The following CDH2 variants were observed in gnomAD, a reference collection of about 807,000 sequenced individuals.
CDH2 encodes cadherin 2, also known as cadherin-2.
In CDH2, 17 loss-of-function variants were observed where a neutral mutation model predicts 92.0. The observed-to-expected ratio is 0.18, with a 90% CI of 0.13 to 0.28. The LOEUF (loss-of-function observed/expected upper bound fraction) is 0.28. Ranked by LOEUF, CDH2 falls within the 10% of genes least tolerant of loss-of-function variation. The pLI, the probability that CDH2 is intolerant of heterozygous loss-of-function variation, is 1.00. For missense variants in CDH2, 862 were observed against 1,133.1 expected (o/e 0.76, Z 3.44); for synonymous variants, 419 against 415.9 (o/e 1.01, Z -0.09).
chr18:28,054,864 T>G (rs1259070551), intron 2 of CDH2, among the ~76,000 whole-genome samples: 1 of 152,192 alleles, frequency 6.6e-6, no homozygotes, highest in Non-Finnish European at 1.5e-5. Flanking sequence ...TTTTTCTTGG[T>G]GAAGAAAATG....
At chr18:28,016,353 T>C (rs2013245724) in intron 2 of CDH2, among the ~76,000 whole-genome samples, 1 of 152,182 alleles carries the variant, frequency 6.6e-6, no homozygotes, top group Admixed American at 6.6e-5. Flanking sequence ...TATCCACTAA[T>C]ATCTTACAAC....
Position 27,963,397 on chromosome 18 carries a change from G to A in CDH2, c.2474C>T (p.Ala825Val), listed in dbSNP as rs1217385337. 3.0e-5 allele frequency: 49 copies of A among 1,614,078 alleles called. No homozygotes were observed. Among genetic ancestry groups the A allele is most frequent in the Non-Finnish European group, 4.1e-5 (48 of 1,179,986 alleles). Residue 825 changes from alanine to valine, a missense_variant, in exon 15 of 16, where the codon GCA becomes GTA. Coordinates refer to ENST00000269141, the MANE Select transcript of CDH2 (RefSeq NM_001792.5). ...HAEPQYPVRS[A>V]APHPGDIGDF... ...CCCAATGTCTCCAGGGTGTGGGGCTGCAGATCGGACCGGATACTGGGGCTC... is the reference window on the plus strand; with the variant it reads ...CCCAATGTCTCCAGGGTGTGGGGCTACAGATCGGACCGGATACTGGGGCTC...
chr18:28,161,186 C>T (rs2016301341), intron 1 of CDH2, among the ~76,000 whole-genome samples: 1 of 152,192 alleles, frequency 6.6e-6, no homozygotes, highest in Non-Finnish European at 1.5e-5. Flanking sequence ...GAAACAATTT[C>T]ACCTGGATGA....
intron 2 of CDH2, among the ~76,000 whole-genome samples, chr18:28,121,039 A>G (rs150460341): frequency 4.9e-4 from 74 of 152,274 alleles, no homozygotes; most frequent in African/African-American, 1.7e-3. Flanking sequence ...TGGAAACCAC[A>G]GTGAAACACT....
Position 28,147,679 on chromosome 18 carries a change from G to C in CDH2, c.166C>G (p.Leu56Val). ...SKDVHEGQPL[L>V]NVKFSNCNGK... ...ATATCTTTTGAGATAGTACCATTGAGAAGAGGCTGTCCTTCATGCACATCC... is the reference window on the plus strand; with the variant it reads ...ATATCTTTTGAGATAGTACCATTGACAAGAGGCTGTCCTTCATGCACATCC... The change falls in exon 2 of 16, where the codon CTC (leucine) becomes GTC (valine). Residue 56 changes from leucine (L) to valine (V), a missense_variant. This residue lies in a region of CDH2 where 159 missense variants were observed against 177.2 expected (regional missense o/e 0.90). Coordinates refer to ENST00000269141, the MANE Select transcript of CDH2 (RefSeq NM_001792.5). The C allele has an allele frequency of 6.3e-7, 1 of 1,585,292 alleles. No homozygotes were observed. Among genetic ancestry groups the C allele is most frequent in the Non-Finnish European group, 8.7e-7 (1 of 1,155,556 alleles).
intron 2 of CDH2, among the ~76,000 whole-genome samples, chr18:28,137,052 G>A (rs1029502442): frequency 6.6e-6 from 1 of 151,990 alleles, no homozygotes. Flanking sequence ...AGTTGAACTG[G>A]AAAAATAAAG....
chr18:28,090,632 T>C (rs1422119010), intron 2 of CDH2, among the ~76,000 whole-genome samples: 1 of 152,210 alleles, frequency 6.6e-6, no homozygotes, highest in Non-Finnish European at 1.5e-5. Flanking sequence ...TTAGAGTAGC[T>C]TGTACTGTAT....
chr18:27,947,701 T>C (rs573737191), downstream of CDH2, among the ~76,000 whole-genome samples: 44 of 137,748 alleles, frequency 3.2e-4, no homozygotes, highest in Middle Eastern at 3.8e-3. Flanking sequence ...GTATATGATG[T>C]AAGTATATGT....
At chr18:28,112,123 A>C (rs2144255585) in intron 2 of CDH2, among the ~76,000 whole-genome samples, 1 of 152,280 alleles carries the variant, frequency 6.6e-6, no homozygotes, top group South Asian at 2.1e-4. Flanking sequence ...CAGTACACTG[A>C]AAGTATTTGG....
At chr18:28,130,792 G>A (rs902177703) in intron 2 of CDH2, among the ~76,000 whole-genome samples, 2 of 152,190 alleles carry the variant, frequency 1.3e-5, no homozygotes, top group Admixed American at 1.3e-4. Flanking sequence ...GACTGTCAGA[G>A]CAATAACCCC....
intron 2 of CDH2, chr18:28,097,373 TAA>T (rs34258746): frequency 0.27 from 39,451 of 148,722 alleles, 5,339 homozygotes; most frequent in Middle Eastern, 0.36. Flanking sequence ...TTCCTTTTTT[TAA>T]AAAAAAAAAA....
intron 2 of CDH2, among the ~76,000 whole-genome samples, chr18:28,090,338 G>A (rs1000090985): frequency 6.6e-6 from 1 of 152,150 alleles, no homozygotes; most frequent in African/African-American, 2.4e-5. Context: ...CTGACGTATG[G>A]ATTTGTGTAT....
chr18:28,011,777 A>T, intron 4 of CDH2, 69 bp downstream of exon 4: 1 of 1,458,530 alleles, frequency 6.9e-7, no homozygotes, highest in Non-Finnish European at 9.4e-7. Context: ...TGTAAAAAAA[A>T]TAGACAGAAA....
At chr18:27,965,203 A>AATTT (rs1158893468) in intron 14 of CDH2, among the ~76,000 whole-genome samples, 1 of 152,164 alleles carries the variant, frequency 6.6e-6, no homozygotes, top group Admixed American at 6.5e-5. Flanking sequence ...CCTGATTTAA[A>AATTT]ATTTATGCTA....
At chr18:28,012,195 A>G (rs2013120639) in intron 3 of CDH2, among the ~76,000 whole-genome samples, 1 of 152,204 alleles carries the variant, frequency 6.6e-6, no homozygotes, top group South Asian at 2.1e-4. Context: ...TATCTGAAAA[A>G]TTGAATTCTA....
intron 14 of CDH2, among the ~76,000 whole-genome samples, chr18:27,981,288 G>T (rs955785560): frequency 6.6e-6 from 1 of 152,180 alleles, no homozygotes; most frequent in Non-Finnish European, 1.5e-5. Flanking sequence ...CAATATGTTT[G>T]TTGATCTTGA....
chr18:27,936,205 A>C lies in CDH2; in HGVS notation c.1152-3081T>G, dbSNP rs1909015004. ...AAAATTAATATCTATATACATTTAC[A>C]TTCTACAAAGGTCTTTTATATACCT... On this transcript the variant is annotated intron_variant, in intron 6 of 6. Coordinates refer to the CDH2 transcript ENST00000675173. Among the ~76,000 whole-genome samples, 6 of 152,342 alleles carry C rather than the reference A, an allele frequency of 3.9e-5. No homozygotes were observed. The South Asian group carries it at 1.0e-3, about 26-fold the overall frequency.
intron 2 of CDH2, among the ~76,000 whole-genome samples, chr18:28,041,466 C>T (rs1341799048): frequency 1.3e-5 from 2 of 151,978 alleles, no homozygotes; most frequent in Non-Finnish European, 2.9e-5. Context: ...AATCAAAGCC[C>T]GAAATCACAC....
chr18:28,065,720 CATT>C (rs1338210818), intron 2 of CDH2, among the ~76,000 whole-genome samples: 2 of 152,186 alleles, frequency 1.3e-5, no homozygotes, highest in African/African-American at 2.4e-5. Context: ...TCTTTATCAT[CATT>C]ATCATCCTGT....
Sources: gnomAD v4.1 joint callset for allele counts (sites outside exome capture counted in the v4.1 genomes callset) on GRCh38, gnomAD v4.1.1 for gene constraint, gnomAD v4.1.1 regional missense constraint, MANE v1.5 for transcripts, NCBI Gene and HGNC (gene_info 2026-07-23, HGNC 2026-07-21) for gene names.